The following HAPSTR1 variants were observed in gnomAD, a reference collection of about 807,000 sequenced individuals.
The protein encoded by HAPSTR1 is HUWE1-associated protein modifying stress responses 1.
chr16:9,101,880 T>C, the HAPSTR1 span, among the ~76,000 whole-genome samples: 1 of 152,136 alleles, frequency 6.6e-6, no homozygotes, highest in Non-Finnish European at 1.5e-5. Context: ...CCCAGCACTT[T>C]GGGAGGCTGA....
the HAPSTR1 span, among the ~76,000 whole-genome samples, chr16:9,094,776 AG>A: frequency 3.3e-5 from 5 of 152,298 alleles, no homozygotes; most frequent in African/African-American, 9.6e-5. Flanking sequence ...TTGTGCTTGA[AG>A]GGGAAGGCAA....
the HAPSTR1 span, among the ~76,000 whole-genome samples, chr16:9,094,255 A>G: frequency 1.3e-4 from 20 of 152,140 alleles, no homozygotes; most frequent in Non-Finnish European, 2.8e-4. Context: ...AAAAAAGGGA[A>G]ACATGGTTAA....
the HAPSTR1 span, chr16:9,110,190 TTC>T: frequency 6.6e-6 from 1 of 150,732 alleles, no homozygotes; most frequent in Non-Finnish European, 1.5e-5. Context: ...AACTGAGTCT[TTC>T]TGTGGACTTA....
At chr16:9,098,083 C>G in the HAPSTR1 span, among the ~76,000 whole-genome samples, 1 of 152,206 alleles carries the variant, frequency 6.6e-6, no homozygotes, top group African/African-American at 2.4e-5. Flanking sequence ...GTAATCCTAG[C>G]ACTTTGGGAG....
chr16:9,098,446 T>G, the HAPSTR1 span, among the ~76,000 whole-genome samples: 1 of 152,244 alleles, frequency 6.6e-6, no homozygotes, highest in Non-Finnish European at 1.5e-5. Flanking sequence ...TGGATGCCAC[T>G]TCCTTAGGGA....
chr16:9,103,190 A>G, the HAPSTR1 span: 2 of 1,614,162 alleles, frequency 1.2e-6, no homozygotes, highest in Admixed American at 1.7e-5. Flanking sequence ...TAACCGAGCT[A>G]CTTCAACGGA....
the HAPSTR1 span, chr16:9,118,500 T>C: frequency 6.5e-6 from 1 of 152,682 alleles, no homozygotes; most frequent in African/African-American, 2.4e-5. Flanking sequence ...TGAAGTTCTG[T>C]ATTCATTATA....
At chr16:9,094,032 T>C in the HAPSTR1 span, among the ~76,000 whole-genome samples, 1 of 152,180 alleles carries the variant, frequency 6.6e-6, no homozygotes, top group Admixed American at 6.5e-5. Flanking sequence ...AAACGGGCTA[T>C]GAAGGTGCTG....
chr16:9,096,848 A>G, the HAPSTR1 span, among the ~76,000 whole-genome samples: 1 of 152,070 alleles, frequency 6.6e-6, no homozygotes, highest in Non-Finnish European at 1.5e-5. Context: ...ATTTTTTTTT[A>G]ATGAAAAAAT....
chr16:9,101,106 T>C, the HAPSTR1 span, among the ~76,000 whole-genome samples: 59,170 of 152,096 alleles, frequency 0.39, 13,036 homozygotes, highest in African/African-American at 0.61. Context: ...GTGATAAGTT[T>C]AGTTGGTCAA....
At chr16:9,097,063 C>T in the HAPSTR1 span, among the ~76,000 whole-genome samples, 36 of 152,024 alleles carry the variant, frequency 2.4e-4, no homozygotes, top group Non-Finnish European at 4.0e-4. Flanking sequence ...CCTCAGCCTC[C>T]CCAGTAGCTG....
the HAPSTR1 span, chr16:9,116,705 G>A: frequency 8.1e-6 from 13 of 1,613,958 alleles, no homozygotes; most frequent in African/African-American, 1.3e-5. Flanking sequence ...GCGTGCGTTC[G>A]AGTACCCCAG....
chr16:9,118,761 A>ATT, the HAPSTR1 span: 1 of 152,630 alleles, frequency 6.6e-6, no homozygotes. Flanking sequence ...AGATTCTGGA[A>ATT]TTGGGGTTTG....
At chr16:9,100,479 A>C in the HAPSTR1 span, among the ~76,000 whole-genome samples, 1 of 151,674 alleles carries the variant, frequency 6.6e-6, no homozygotes, top group East Asian at 1.9e-4. Flanking sequence ...TTTTGTATCA[A>C]GTTTAGCTTC....
At chr16:9,100,329 A>T in the HAPSTR1 span, among the ~76,000 whole-genome samples, 81 of 152,304 alleles carry the variant, frequency 5.3e-4, no homozygotes, top group South Asian at 0.01. Context: ...TCTGTGATGA[A>T]ACCATTAGTC....
chr16:9,098,278 AG>A, the HAPSTR1 span, among the ~76,000 whole-genome samples: 1 of 152,194 alleles, frequency 6.6e-6, no homozygotes, highest in Non-Finnish European at 1.5e-5. Context: ...GGTTGTGGTG[AG>A]CCGAGATCAG....
chr16:9,103,393 A>G, the HAPSTR1 span: 1 of 943,130 alleles, frequency 1.1e-6, no homozygotes, highest in Non-Finnish European at 1.5e-6. Flanking sequence ...AGAAATGTTT[A>G]ATAGAATGTA....
the HAPSTR1 span, chr16:9,102,843 C>A: frequency 5.1e-6 from 4 of 786,846 alleles, no homozygotes; most frequent in Non-Finnish European, 8.0e-6. Context: ...TGACTGAAAT[C>A]ATTTCAGTTT....
the HAPSTR1 span, chr16:9,112,498 G>C: frequency 6.6e-6 from 1 of 152,260 alleles, no homozygotes; most frequent in Non-Finnish European, 1.5e-5. Flanking sequence ...GGCTTAAGTG[G>C]CTGGGAAGCA....
Sources: gnomAD v4.1 joint callset for allele counts (sites outside exome capture counted in the v4.1 genomes callset) on GRCh38, gnomAD v4.1.1 for gene constraint, MANE v1.5 for transcripts, NCBI Gene and HGNC (gene_info 2026-07-23, HGNC 2026-07-21) for gene names.